Variants in ARFGEF2 observed in about 807,000 individuals in gnomAD.
ARFGEF2 encodes the protein brefeldin A-inhibited guanine nucleotide-exchange protein 2.
A neutral mutation model predicts 219.9 loss-of-function variants in ARFGEF2; 74 were observed. The observed-to-expected ratio is 0.34, with a 90% CI of 0.28 to 0.41. ARFGEF2 has a LOEUF of 0.41. Among genes scored for constraint, ARFGEF2 ranks in the 10% least tolerant of loss-of-function variants. The pLI is 1.00. For synonymous variants in ARFGEF2, 733 were observed against 799.2 expected, an observed-to-expected ratio of 0.92 and a Z score of 1.40; for missense variants, 1,743 against 2,218.3, an observed-to-expected ratio of 0.79 and a Z score of 4.30.
intron 37 of ARFGEF2, among the ~76,000 whole-genome samples, chr20:49,029,417 ACT>A (rs1457661565): frequency 4.6e-5 from 7 of 152,174 alleles, no homozygotes; most frequent in Non-Finnish European, 7.3e-5. Flanking sequence ...CAGTAATTCC[ACT>A]GTTATGGAAT....
chr20:49,033,311 A>C lies in ARFGEF2; in HGVS notation c.*112A>C. On this transcript the variant is annotated 3_prime_UTR_variant, in exon 39 of 39. Transcript: ENST00000371917. ...ACAAGGAGTTGGCATCTTGGATCTC[A>C]GAATGGCCTGGAAACGGATGGCCTC... 8 of 1,261,078 alleles carry C rather than the reference A, an allele frequency of 6.3e-6. No individual in the cohort carries two copies. Among genetic ancestry groups the C allele is most frequent in the Non-Finnish European group, 7.9e-6 (7 of 884,818 alleles). 78.1% of individuals were successfully genotyped at this position (1,261,078 alleles called of 1,614,324 possible). A position where few individuals can be genotyped will look rare whatever the true frequency, so the allele number is the denominator to read the frequency against.
intron 1 of ARFGEF2, among the ~76,000 whole-genome samples, chr20:48,924,811 C>T (rs954511682): frequency 3.9e-5 from 6 of 152,150 alleles, no homozygotes; most frequent in Admixed American, 3.9e-4. Context: ...AAACCTCCTG[C>T]CTTCCACTTG....
intron 1 of ARFGEF2, among the ~76,000 whole-genome samples, chr20:48,922,884 G>A (rs1165286019): frequency 6.6e-6 from 1 of 152,172 alleles, no homozygotes; most frequent in African/African-American, 2.4e-5. Flanking sequence ...TACCCCTATG[G>A]AGCTTATACT....
At position 48,996,950 on chromosome 20, in the gene ARFGEF2, A is replaced by T. The variant is rs537111337; in HGVS notation, c.3221+1068A>T. 5.9e-5 allele frequency among the ~76,000 whole-genome samples: 9 copies of T among 152,094 alleles called. 1 individual carries two copies. The South Asian group carries it at 1.7e-3, about 28-fold the overall frequency. ...CTTTTCTTTCCTTCCCCCATTCCTT[A>T]GTCACTGTAACCACTGATCTACAGA... is the stretch of plus-strand genomic sequence containing the variant. On this transcript the variant is annotated intron_variant, in intron 23 of 38. Coordinates refer to ENST00000371917, the MANE Select transcript of ARFGEF2 (RefSeq NM_006420.3).
rs377064872 is a variant in ARFGEF2 at position 49,032,001 on chromosome 20, G to T, written c.5064-48G>T. On this transcript the variant is annotated intron_variant, in intron 37 of 38. Transcript: ENST00000371917. ...ATGAATAGTTCTCCCCTGAATGTGAGATGTTAATCAATTGTTTGATATGCC... is the reference window on the plus strand; with the variant it reads ...ATGAATAGTTCTCCCCTGAATGTGATATGTTAATCAATTGTTTGATATGCC... The T allele has an allele frequency of 1.0e-4, 120 of 1,186,812 alleles. 1 individual carries two copies. Among genetic ancestry groups the T allele is most frequent in the Non-Finnish European group, 1.4e-4 (110 of 790,084 alleles). 73.5% of individuals were successfully genotyped at this position (1,186,812 alleles called of 1,614,324 possible). A position where few individuals can be genotyped will look rare whatever the true frequency, so the allele number is the denominator to read the frequency against.
At chr20:49,031,959 T>C in intron 37 of ARFGEF2, 90 bp from the exon 38 acceptor site, 1 of 1,012,882 alleles carries the variant, frequency 9.9e-7, no homozygotes, top group South Asian at 1.3e-5. Context: ...TAAAATAATT[T>C]TAAAAATAGC....
Position 48,988,514 on chromosome 20 carries a change from G to T in ARFGEF2, c.2385G>T (p.Glu795Asp), listed in dbSNP as rs550947400. 6.2e-7 allele frequency: 1 copy of T among 1,613,118 alleles called. No individual in the cohort carries two copies. Among genetic ancestry groups the T allele is most frequent in the African/African-American group, 1.3e-5 (1 of 74,960 alleles). ...AGGTAAAAAATAAAATGACGAAAGA[G>T]CAGTATATTAAAATGAATCGGGGTA... ...SPQVKNKMTK[E>D]QYIKMNRGIN... The change falls in exon 18 of 39, where the codon GAG (glutamate) becomes GAT (aspartate). Residue 795 changes from glutamate to aspartate, a missense_variant. Around this residue, in one of 5 missense-constraint regions of ARFGEF2, gnomAD observed 666 missense variants for 955.4 expected, o/e 0.70. Coordinates refer to ENST00000371917, the MANE Select transcript of ARFGEF2 (RefSeq NM_006420.3).
At chr20:48,943,376 A>G (rs1415962918) in intron 3 of ARFGEF2, among the ~76,000 whole-genome samples, 1 of 152,228 alleles carries the variant, frequency 6.6e-6, no homozygotes, top group Non-Finnish European at 1.5e-5. Flanking sequence ...TAGAGTCACA[A>G]GTAACTTTGT....
chr20:48,935,991 C>T (rs2090950223), intron 1 of ARFGEF2, among the ~76,000 whole-genome samples: 1 of 126,784 alleles, frequency 7.9e-6, no homozygotes, highest in Admixed American at 7.6e-5. Context: ...GCTGGCCGGG[C>T]AGAGGGGCTC....
At chr20:48,958,436 T>G (rs1469089192) in intron 6 of ARFGEF2, among the ~76,000 whole-genome samples, 1 of 145,580 alleles carries the variant, frequency 6.9e-6, no homozygotes, top group African/African-American at 2.5e-5. Flanking sequence ...TTTTCTCTGA[T>G]GTTCTTTTTT....
At chr20:48,995,392 T>C (rs1450389232) in intron 22 of ARFGEF2, among the ~76,000 whole-genome samples, 1 of 152,172 alleles carries the variant, frequency 6.6e-6, no homozygotes, top group East Asian at 1.9e-4. Context: ...CTTAGGGTTC[T>C]CGTGAGGATG....
rs1445614260 is a variant in ARFGEF2, at chr20:49,012,017, C to G, written c.3851C>G (p.Pro1284Arg). ...LSEFACNAAF[P>R]DTSMEAIRLI... ...GAGTTCGCCTGCAACGCCGCTTTCC[C>G]TGACACGAGCATGGAAGCGATTCGG... The change falls in exon 28 of 39, where the codon CCT becomes CGT. Residue 1284 changes from proline to arginine, a missense_variant. Physicochemically the swap from Pro to Arg is moderately radical, Grantham distance 103 (BLOSUM62 -2). Transcript: ENST00000371917. The G allele has an allele frequency of 1.2e-6, 2 of 1,614,242 alleles. No individual in the cohort carries two copies. Among genetic ancestry groups the G allele is most frequent in the Non-Finnish European group, 1.7e-6 (2 of 1,180,054 alleles).
In ARFGEF2 at chr20:48,953,640, T is replaced by C; in HGVS notation, c.688T>C (p.Phe230Leu). 1 of 1,614,130 alleles carries C rather than the reference T, an allele frequency of 6.2e-7. No individual in the cohort carries two copies. The highest frequency in any genetic ancestry group is 8.5e-7 in the Non-Finnish European group (1 of 1,180,014). Residue 230 changes from phenylalanine to leucine, a missense_variant, in exon 6 of 39, where the codon TTC becomes CTC. Coordinates refer to ENST00000371917, the MANE Select transcript of ARFGEF2 (RefSeq NM_006420.3). ...VIQAAAVSPK[F>L]VRLKHSQAQS... is the part of the protein sequence containing the mutation. ...CCAAGCTGCAGCAGTATCCCCAAAGTTCGTTCGTTTGAAGCACAGTCAGGC... is the reference window on the plus strand; with the variant it reads ...CCAAGCTGCAGCAGTATCCCCAAAGCTCGTTCGTTTGAAGCACAGTCAGGC...
In ARFGEF2 at chr20:48,950,811, AATATATATATAT is replaced by A. The variant is rs71184245; in HGVS notation, c.277-487_277-476del. ...ACCCTGTCTAAAAAAAAAAAAAAAAAATATATATATATATATATATATATATATATATATATG... is the reference window on the plus strand; with the variant it reads ...ACCCTGTCTAAAAAAAAAAAAAAAAAATATATATATATATATATATATATG... On this transcript the variant is annotated intron_variant, in intron 3 of 38. Coordinates refer to ENST00000371917, the MANE Select transcript of ARFGEF2 (RefSeq NM_006420.3). 1.2e-3 allele frequency among the ~76,000 whole-genome samples: 77 copies of A among 64,486 alleles called. 1 individual carries two copies. The highest frequency in any genetic ancestry group is 3.1e-3 in the African/African-American group (42 of 13,400). The allele number at this position is 64,486 out of a possible 152,430, so 42.3% of individuals were successfully genotyped here.
intron 34 of ARFGEF2, among the ~76,000 whole-genome samples, chr20:49,022,727 AATATT>A (rs1243417476): frequency 7.9e-5 from 12 of 152,228 alleles, no homozygotes; most frequent in African/African-American, 2.9e-4. Context: ...TTTAATATAT[AATATT>A]CTTAAAATAT....
chr20:48,952,465 T>G (rs2091077113), intron 4 of ARFGEF2, among the ~76,000 whole-genome samples: 1 of 152,194 alleles, frequency 6.6e-6, no homozygotes, highest in Non-Finnish European at 1.5e-5. Context: ...TCAACACAAT[T>G]TAATTGTTTC....
rs2091648947 is a variant in ARFGEF2, at chr20:49,033,377, T to C, written c.*178T>C. On this transcript the variant is annotated 3_prime_UTR_variant, in exon 39 of 39. Coordinates refer to ENST00000371917, the MANE Select transcript of ARFGEF2 (RefSeq NM_006420.3). ...CAGTCTCCAACTAAGGCTTATGGTA[T>C]TTCATTAAACTGTTGCATACCCAGT... 8.9e-6 allele frequency: 6 copies of C among 671,190 alleles called. No individual in the cohort carries two copies. In the South Asian group the frequency reaches 9.2e-5, roughly 10 times the overall value. 41.6% of individuals were successfully genotyped at this position (671,190 alleles called of 1,614,324 possible). A position where few individuals can be genotyped will look rare whatever the true frequency, so the allele number is the denominator to read the frequency against.
rs568208670 is a variant in ARFGEF2, at chr20:48,952,387, C to T, written c.424-318C>T. 9.9e-5 allele frequency among the ~76,000 whole-genome samples: 15 copies of T among 152,082 alleles called. No individual in the cohort carries two copies. The East Asian group carries it at 2.9e-3, about 29-fold the overall frequency. ...GCCAGGCTGGTCTTGAACTCGTGACCTCAAGTGAGCCACCCTGCCTGGCTG... is the reference window on the plus strand; with the variant it reads ...GCCAGGCTGGTCTTGAACTCGTGACTTCAAGTGAGCCACCCTGCCTGGCTG... On this transcript the variant is annotated intron_variant, in intron 4 of 38. Coordinates refer to ENST00000371917, the MANE Select transcript of ARFGEF2 (RefSeq NM_006420.3).
chr20:49,011,585 G>A (rs954609041), intron 27 of ARFGEF2, among the ~76,000 whole-genome samples: 3 of 152,148 alleles, frequency 2.0e-5, no homozygotes, highest in African/African-American at 4.8e-5. Context: ...CTGCGAGCAC[G>A]TAACAAGATG....
Sources: allele counts gnomAD v4.1 joint callset (sites outside exome capture counted in the v4.1 genomes callset), GRCh38; gene constraint gnomAD v4.1.1; regional missense constraint gnomAD v4.1.1; transcripts MANE v1.5; gene names NCBI Gene and HGNC (gene_info 2026-07-23, HGNC 2026-07-21).